The following RANBP3 variants were observed in gnomAD, a reference collection of about 807,000 sequenced individuals.
The protein encoded by RANBP3 is ran-binding protein 3.
Under a neutral mutation model 77.3 loss-of-function variants are expected in RANBP3, and 14 were observed. The ratio of observed to expected loss-of-function variants is 0.18; its 90% CI spans 0.12 to 0.28. The LOEUF (loss-of-function observed/expected upper bound fraction) is 0.28, where lower values mean the gene tolerates loss of function less well. RANBP3 is among the 10% of genes least tolerant of loss of function. The probability of loss-of-function intolerance (pLI) is 1.00; values close to 1 mark genes in which losing one functional copy is unlikely to be tolerated. For synonymous variants in RANBP3, 315 were observed against 312.4 expected, an observed-to-expected ratio of 1.01 and a Z score of -0.09; for missense variants, 586 against 752.3, an observed-to-expected ratio of 0.78 and a Z score of 2.59.
At chr19:5,941,369 G>A (rs903716598) in intron 5 of RANBP3, among the ~76,000 whole-genome samples, 33 of 152,158 alleles carry the variant, frequency 2.2e-4, no homozygotes, top group African/African-American at 7.7e-4. Flanking sequence ...ATTTCAGAGG[G>A]ACGATCTCTT....
chr19:5,918,387 A>AGGGGCG, intron 15 of RANBP3, 109 bp downstream of exon 15: 4 of 529,920 alleles, frequency 7.5e-6, no homozygotes, highest in Admixed American at 3.7e-5. Context: ...AAGCAACTGA[A>AGGGGCG]GCCCCTCCCC....
chr19:5,972,745 C>G (rs1000816723), intron 1 of RANBP3, among the ~76,000 whole-genome samples: 1 of 152,108 alleles, frequency 6.6e-6, no homozygotes, highest in African/African-American at 2.4e-5. Context: ...GGGCAGAATT[C>G]AACCCCCCTT....
At chr19:5,935,651 G>A (rs1443924492) in intron 5 of RANBP3, 2 of 452,202 alleles carry the variant, frequency 4.4e-6, no homozygotes, top group Admixed American at 4.7e-5. Context: ...CTGCCAAGCG[G>A]AAGCAGGAGA....
intron 5 of RANBP3, chr19:5,934,046 GCCAC>G (rs1246937805): frequency 1.3e-5 from 2 of 152,278 alleles, no homozygotes; most frequent in East Asian, 3.8e-4. Flanking sequence ...GGCACTCCTG[GCCAC>G]CGTGGAGGAG....
At chr19:5,922,808 T>A (rs983572244) in intron 13 of RANBP3, among the ~76,000 whole-genome samples, 5 of 152,118 alleles carry the variant, frequency 3.3e-5, no homozygotes, top group Admixed American at 2.6e-4. Context: ...GGCGTGGTGG[T>A]GCACACCTGT....
At chr19:5,935,735 G>A (rs1391028335) in intron 5 of RANBP3, 1 of 456,762 alleles carries the variant, frequency 2.2e-6, no homozygotes, top group Admixed American at 2.3e-5. Flanking sequence ...GCTGCAGACA[G>A]ACAAGGCGTG....
chr19:5,923,944 A>G (rs73920090), intron 11 of RANBP3, 30 bp from the exon 12 acceptor site: 15,679 of 1,550,348 alleles, frequency 0.01, 425 homozygotes, highest in African/African-American at 0.058. Context: ...TACAAGGAAG[A>G]GGGCACTTGT....
Position 5,921,204 on chromosome 19 carries a change from G to T in RANBP3, c.1327C>A (p.Leu443Ile). ...STDDGTLQSRLVMRTQGSLRL... is the reference protein window; with the variant it reads ...STDDGTLQSRIVMRTQGSLRL... ...GCCCCCGCCGTCGGCAGCTCACCTAGTCGGGACTGTAGTGTGCCGTCATCG... is the reference window on the plus strand; with the variant it reads ...GCCCCCGCCGTCGGCAGCTCACCTATTCGGGACTGTAGTGTGCCGTCATCG... The change falls in exon 14 of 17, where the codon CTA becomes ATA. Residue 443 changes from leucine to isoleucine, a missense_variant. Leu to Ile is a conservative substitution (Grantham distance 5). Transcript: ENST00000340578. This position sits in a 1 kb window ranked among gnomAD's most constrained non-coding sequence, Gnocchi z 5.3. 6.2e-7 allele frequency: 1 copy of T among 1,610,744 alleles called. No homozygotes were observed.
intron 5 of RANBP3, among the ~76,000 whole-genome samples, chr19:5,936,891 G>A (rs2058071309): frequency 6.6e-6 from 1 of 151,616 alleles, no homozygotes; most frequent in Admixed American, 6.6e-5. Flanking sequence ...AATCAACGCG[G>A]CAGGGATGGT....
At chr19:5,977,916 G>A in intron 1 of RANBP3, 145 bp downstream of exon 1, 3 of 1,043,486 alleles carry the variant, frequency 2.9e-6, no homozygotes, top group Admixed American at 3.8e-5. Context: ...GCAATAGGGG[G>A]CGGCTGCAAG....
At chr19:5,936,581 C>T (rs553438077) in intron 5 of RANBP3, among the ~76,000 whole-genome samples, 1 of 152,210 alleles carries the variant, frequency 6.6e-6, no homozygotes, top group Non-Finnish European at 1.5e-5. Flanking sequence ...ACCATGTTCC[C>T]TGAAGAACCA....
At chr19:5,920,039 T>C (rs146959428) in intron 14 of RANBP3, among the ~76,000 whole-genome samples, 29 of 152,334 alleles carry the variant, frequency 1.9e-4, no homozygotes, top group African/African-American at 7.0e-4. Flanking sequence ...CTGCTTGAGT[T>C]ACTGCTGGGC....
intron 3 of RANBP3, among the ~76,000 whole-genome samples, chr19:5,946,195 T>C (rs1386970896): frequency 6.6e-6 from 1 of 152,212 alleles, no homozygotes; most frequent in African/African-American, 2.4e-5. Context: ...CTACCCTGTT[T>C]TGTTCTATCA....
chr19:5,931,950 G>A (rs1341685566), intron 7 of RANBP3, among the ~76,000 whole-genome samples: 3 of 152,066 alleles, frequency 2.0e-5, no homozygotes, highest in Non-Finnish European at 2.9e-5. Flanking sequence ...TGGGAGGATC[G>A]CTTGAGCCCA....
rs2058291908 is a variant in RANBP3, at chr19:5,952,840, G to A, written c.79-1244C>T. On this transcript the variant is annotated intron_variant, in intron 2 of 16. Transcript: ENST00000340578. This position sits in a 1 kb window ranked among gnomAD's most constrained non-coding sequence, Gnocchi z 4.1. ...CTCTTCGTATCCAGGGCAGAGCCAC[G>A]GACCAGCCGCTCTCTAAACCTGGCT... Among the ~76,000 whole-genome samples the A allele has an allele frequency of 6.6e-6, 1 of 152,170 alleles. No homozygotes were observed. Among genetic ancestry groups the A allele is most frequent in the African/African-American group, 2.4e-5 (1 of 41,446 alleles).
rs765896023 is a variant in RANBP3 at position 5,921,161 on chromosome 19, C to G, written c.1330+40G>C. On this transcript the variant is annotated intron_variant, in intron 14 of 16. Coordinates refer to ENST00000340578, the MANE Select transcript of RANBP3 (RefSeq NM_007322.3). The surrounding 1 kb of genome is among the most constrained non-coding windows in gnomAD (Gnocchi z 5.3). ...GAATTGCATAGTCCCCAGCCCTCCC[C>G]ATGGGGACCCGGCCACAGCCCCCGC... 6 of 1,592,884 alleles carry G rather than the reference C, an allele frequency of 3.8e-6. No homozygotes were observed. Among genetic ancestry groups the G allele is most frequent in the South Asian group, 1.1e-5 (1 of 89,890 alleles).
In RANBP3 at chr19:5,949,839, T is replaced by A. The variant is rs762894028; in HGVS notation, c.282+1554A>T. Among the ~76,000 whole-genome samples the A allele has an allele frequency of 3.9e-5, 6 of 152,106 alleles. No homozygotes were observed. The South Asian group carries it at 6.2e-4, about 16-fold the overall frequency. On this transcript the variant is annotated intron_variant, in intron 3 of 16. Coordinates refer to ENST00000340578, the MANE Select transcript of RANBP3 (RefSeq NM_007322.3). ...CTCCAACATGGGCCTCTGTGAGAAG[T>A]ACGCAGGGCACAGAACAGCGCGTGT...
intron 5 of RANBP3, among the ~76,000 whole-genome samples, chr19:5,940,251 ACCT>A (rs1043962774): frequency 6.6e-6 from 1 of 151,392 alleles, no homozygotes; most frequent in East Asian, 1.9e-4. Flanking sequence ...CAGCCCAAAC[ACCT>A]CCTCTTCTCT....
intron 16 of RANBP3, 21 bp from the exon 17 acceptor site, chr19:5,917,674 C>T (rs762091776): frequency 1.4e-5 from 23 of 1,604,698 alleles, no homozygotes; most frequent in African/African-American, 1.3e-4. Context: ...GCAGCAGCCC[C>T]GCATCAGGAT....
Sources: allele counts gnomAD v4.1 joint callset (sites outside exome capture counted in the v4.1 genomes callset), GRCh38; gene constraint gnomAD v4.1.1; non-coding constraint Gnocchi (gnomAD v3.1); transcripts MANE v1.5; gene names NCBI Gene and HGNC (gene_info 2026-07-23, HGNC 2026-07-21).